The following CDYL2 variants were observed in gnomAD, a reference collection of about 807,000 sequenced individuals.
The protein encoded by CDYL2 is chromodomain Y-like protein 2.
CDYL2 carries 23 observed loss-of-function variants against 49.4 expected under a neutral mutation model. The observed-to-expected ratio is 0.47, with a 90% confidence interval of 0.34 to 0.66. The LOEUF (loss-of-function observed/expected upper bound fraction) is 0.66, where lower values mean the gene tolerates loss of function less well. Among genes scored for constraint, CDYL2 ranks in the 30% least tolerant of loss-of-function variants. The pLI is 0.01. For synonymous variants in CDYL2, 360 were observed against 268.8 expected (o/e 1.34, Z -3.32); for missense variants, 678 against 656.4 (o/e 1.03, Z -0.36).
intron 2 of CDYL2, among the ~76,000 whole-genome samples, chr16:80,678,108 A>G (rs2142463629): frequency 6.6e-6 from 1 of 152,310 alleles, no homozygotes; most frequent in South Asian, 2.1e-4. Context: ...ACAAAAATCA[A>G]TTCAAGATGG....
At chr16:80,683,272 G>C (rs755703027) in intron 2 of CDYL2, among the ~76,000 whole-genome samples, 1 of 152,174 alleles carries the variant, frequency 6.6e-6, no homozygotes, top group African/African-American at 2.4e-5. Context: ...TCCAAGGCTC[G>C]GGTCTCTGGC....
At chr16:80,804,896 C>T (rs1470003042), upstream of CDYL2, among the ~76,000 whole-genome samples, 1 of 152,012 alleles carries the variant, frequency 6.6e-6, no homozygotes, top group African/African-American at 2.4e-5. Flanking sequence ...CCGGGGTCCC[C>T]ACCTACCTCC....
chr16:80,649,418 A>C (rs1293688650), intron 2 of CDYL2, among the ~76,000 whole-genome samples: 1 of 152,166 alleles, frequency 6.6e-6, no homozygotes, highest in Non-Finnish European at 1.5e-5. Flanking sequence ...CCTAGGAATT[A>C]AGTTAACCAA....
At chr16:80,681,903 T>G (rs1027766006) in intron 2 of CDYL2, among the ~76,000 whole-genome samples, 1 of 151,754 alleles carries the variant, frequency 6.6e-6, no homozygotes, top group Non-Finnish European at 1.5e-5. Flanking sequence ...GGTGAATAAC[T>G]CTTAGGAAGT....
At chr16:80,724,035 G>C (rs1905086460) in intron 1 of CDYL2, among the ~76,000 whole-genome samples, 1 of 149,126 alleles carries the variant, frequency 6.7e-6, no homozygotes, top group South Asian at 2.1e-4. Flanking sequence ...AAGAGGGGAG[G>C]AGGAAGAGAA....
intron 1 of CDYL2, among the ~76,000 whole-genome samples, chr16:80,772,308 G>C (rs8052627): frequency 0.015 from 2,339 of 152,226 alleles, 62 homozygotes; most frequent in African/African-American, 0.054. Flanking sequence ...ACTGGAGAAA[G>C]TCAAAAGAAT....
At chr16:80,769,290 A>C (rs554375879) in intron 1 of CDYL2, among the ~76,000 whole-genome samples, 1 of 152,368 alleles carries the variant, frequency 6.6e-6, no homozygotes, top group South Asian at 2.1e-4. Flanking sequence ...AAAGGCTACA[A>C]GACTAGAAAA....
chr16:80,730,121 T>C (rs918890698), intron 1 of CDYL2, among the ~76,000 whole-genome samples: 7 of 151,648 alleles, frequency 4.6e-5, no homozygotes, highest in Non-Finnish European at 7.4e-5. Flanking sequence ...CTGAAGGAAA[T>C]AGAGACACAA....
At chr16:80,688,622 A>T (rs972710568) in intron 1 of CDYL2, among the ~76,000 whole-genome samples, 3 of 151,978 alleles carry the variant, frequency 2.0e-5, no homozygotes, top group East Asian at 1.9e-4. Flanking sequence ...ACCACAAAAA[A>T]CTCAGGGGAA....
At chr16:80,690,651 G>T (rs1478056150) in intron 1 of CDYL2, among the ~76,000 whole-genome samples, 1 of 152,110 alleles carries the variant, frequency 6.6e-6, no homozygotes, top group Non-Finnish European at 1.5e-5. Flanking sequence ...ATCGTGCAGT[G>T]GGTCCAACCT....
rs73595121 is a variant in CDYL2 at position 80,719,269 on chromosome 16, C to T, written c.25-34140G>A. ...TGTAAAACTGAAGATTCCCAGGCCC[C>T]GGAAGAGGCTGGGAGCAGGAATCTG... On this transcript the variant is annotated intron_variant, in intron 1 of 6. Coordinates refer to ENST00000570137, the MANE Select transcript of CDYL2 (RefSeq NM_152342.4). Among the ~76,000 whole-genome samples, 366 of 152,150 alleles carry T rather than the reference C, an allele frequency of 2.4e-3. 1 individual carries two copies. The highest frequency in any genetic ancestry group is 6.8e-3 in the Middle Eastern group (2 of 294).
intron 1 of CDYL2, among the ~76,000 whole-genome samples, chr16:80,692,281 C>T (rs562954084): frequency 8.5e-4 from 129 of 152,250 alleles, no homozygotes; most frequent in Middle Eastern, 3.4e-3. Context: ...TCTGCCTCAT[C>T]CCCCAGCCCT....
Position 80,794,588 on chromosome 16 carries a change from A to T in CDYL2, c.24+9562T>A, listed in dbSNP as rs1437253324. Reference sequence around the variant, plus strand: ...GATTGTTGAGTTTTTTAATTATTACATTCCCAGTGATTTTTTTTTTTTTTT... The same window carrying T: ...GATTGTTGAGTTTTTTAATTATTACTTTCCCAGTGATTTTTTTTTTTTTTT... On this transcript the variant is annotated intron_variant, in intron 1 of 6. Coordinates refer to ENST00000570137, the MANE Select transcript of CDYL2 (RefSeq NM_152342.4). Among the ~76,000 whole-genome samples, 4 of 138,412 alleles carry T rather than the reference A, an allele frequency of 2.9e-5. No individual in the cohort carries two copies. The East Asian group carries it at 8.1e-4, about 28-fold the overall frequency. 90.8% of individuals were successfully genotyped at this position (138,412 alleles called of 152,430 possible). A position where few individuals can be genotyped will look rare whatever the true frequency, so the allele number is the denominator to read the frequency against.
At chr16:80,607,379 G>C (rs1388789755) in intron 6 of CDYL2, among the ~76,000 whole-genome samples, 1 of 152,102 alleles carries the variant, frequency 6.6e-6, no homozygotes, top group East Asian at 1.9e-4. Flanking sequence ...GAGGGGCAAG[G>C]GTCTGGCCCC....
rs1406483584 is a variant in CDYL2, at chr16:80,717,145, CGATA to C, written c.25-32020_25-32017del. Among the ~76,000 whole-genome samples the C allele has an allele frequency of 1.5e-3, 175 of 119,930 alleles. 2 individuals carry two copies. The highest frequency in any genetic ancestry group is 4.8e-3 in the African/African-American group (142 of 29,480). The allele number at this position is 119,930 out of a possible 152,430, so 78.7% of individuals were successfully genotyped here. A position where few individuals can be genotyped will look rare whatever the true frequency, so the allele number is the denominator to read the frequency against. Reference sequence around the variant, plus strand: ...GAATGAATGGATGGGTGGACTGGATCGATAGATGGATGGATGGATGGATGGATGG... The same window carrying C: ...GAATGAATGGATGGGTGGACTGGATCGATGGATGGATGGATGGATGGATGG... On this transcript the variant is annotated intron_variant, in intron 1 of 6. Transcript: ENST00000570137.
chr16:80,719,962 G>T (rs567101079), intron 1 of CDYL2, among the ~76,000 whole-genome samples: 2 of 152,110 alleles, frequency 1.3e-5, no homozygotes, highest in Non-Finnish European at 2.9e-5. Context: ...CATCTGGGAA[G>T]GGATTCAAAT....
intron 1 of CDYL2, among the ~76,000 whole-genome samples, chr16:80,688,551 C>G (rs749758000): frequency 9.9e-5 from 15 of 152,142 alleles, no homozygotes; most frequent in Admixed American, 2.6e-4. Context: ...TTTAAAAAAG[C>G]AAACAAACAC....
intron 1 of CDYL2, among the ~76,000 whole-genome samples, chr16:80,778,051 T>C (rs1176626520): frequency 6.6e-6 from 1 of 152,032 alleles, no homozygotes; most frequent in Non-Finnish European, 1.5e-5. Context: ...CTAGTGATAA[T>C]GGGGAAGAGT....
At chr16:80,780,042 A>G (rs959807050) in intron 1 of CDYL2, among the ~76,000 whole-genome samples, 1 of 152,194 alleles carries the variant, frequency 6.6e-6, no homozygotes, top group African/African-American at 2.4e-5. Context: ...ATCTGATTGC[A>G]AACCTCCAGT....
Sources: allele counts gnomAD v4.1 joint callset (sites outside exome capture counted in the v4.1 genomes callset), GRCh38; gene constraint gnomAD v4.1.1; transcripts MANE v1.5; gene names NCBI Gene and HGNC (gene_info 2026-07-23, HGNC 2026-07-21).